Variants in ZBTB22 observed in about 807,000 individuals in gnomAD.
ZBTB22 encodes zinc finger and BTB domain-containing protein 22.
For synonymous variants in ZBTB22, 356 were observed against 347.3 expected (o/e 1.03, Z -0.28); for missense variants, 668 against 834.1 (o/e 0.80, Z 2.45).
Position 33,315,784 on chromosome 6 carries a change from CAGA to C in ZBTB22, c.1130_1132del (p.Phe377del), listed in dbSNP as rs1235899621. 3 of 1,613,016 alleles carry C rather than the reference CAGA, an allele frequency of 1.9e-6. No homozygotes were observed. The highest frequency in any genetic ancestry group is 2.7e-5 in the African/African-American group (2 of 74,828). On this transcript the variant is annotated inframe_deletion, in exon 2 of 2. Coordinates refer to ENST00000431845, the MANE Select transcript of ZBTB22 (RefSeq NM_005453.5). The surrounding 1 kb of genome is among the most constrained non-coding windows in gnomAD (Gnocchi z 5.4). ...TGGGCCAAAGTCATTGGAGGACTCA[CAGA>C]AGTTGACCTGCTCCTCCCCCTTGTC...
chr6:33,315,036 G>C lies in ZBTB22; in HGVS notation c.1881C>G (p.Phe627Leu). 1.3e-6 allele frequency: 2 copies of C among 1,559,902 alleles called. No homozygotes were observed. Among genetic ancestry groups the C allele is most frequent in the Non-Finnish European group, 1.7e-6 (2 of 1,149,772 alleles). The part of the protein sequence containing the change: ...PPRVHKVEMG[F>L]GGGGGAN ...TTCAGTTTGCTCCTCCACCTCCACC[G>C]AAGCCCATCTCCACCTTGTGGACTC... The change falls in exon 2 of 2, where the codon TTC (phenylalanine) becomes TTG (leucine). Residue 627 changes from phenylalanine to leucine, a missense_variant. By Grantham distance (22) the Phe-to-Leu change is conservative. Transcript: ENST00000431845. The surrounding 1 kb of genome is among the most constrained non-coding windows in gnomAD (Gnocchi z 5.4).
rs1196825143 is a variant in ZBTB22 at position 33,315,915 on chromosome 6, A to C, written c.1002T>G (p.Asp334Glu). The C allele has an allele frequency of 6.2e-7, 1 of 1,613,646 alleles. No homozygotes were observed. The change falls in exon 2 of 2, where the codon GAT becomes GAG. Residue 334 changes from aspartate (D) to glutamate (E), a missense_variant. Asp to Glu is a conservative substitution (Grantham distance 45). Transcript: ENST00000431845. This position sits in a 1 kb window ranked among gnomAD's most constrained non-coding sequence, Gnocchi z 5.4. ...TACCCCCTAGTTCTTCATCTTCATC[A>C]TCCTCACAGGTCAACACCAGATCTT... Reference protein sequence around the residue: ...EEEDLVLTCEDDEDEELGGSS... With the variant: ...EEEDLVLTCEEDEDEELGGSS...
Position 33,314,863 on chromosome 6 carries a change from T to A in ZBTB22, c.*149A>T. On this transcript the variant is annotated 3_prime_UTR_variant, in exon 2 of 2. Coordinates refer to ENST00000431845, the MANE Select transcript of ZBTB22 (RefSeq NM_005453.5). The stretch of plus-strand genomic sequence containing the variant: ...TAGAATGGGCGGGCGATGGTGAAAC[T>A]GTGGTTCCCCTTCCAGAATATATAC... 7.2e-7 allele frequency: 1 copy of A among 1,392,518 alleles called. No homozygotes were observed. Among genetic ancestry groups the A allele is most frequent in the East Asian group, 2.6e-5 (1 of 37,788 alleles). The allele number at this position is 1,392,518 out of a possible 1,614,324, so 86.3% of individuals were successfully genotyped here. A position where few individuals can be genotyped will look rare whatever the true frequency, so the allele number is the denominator to read the frequency against.
Position 33,316,978 on chromosome 6 carries a change from G to A in ZBTB22, c.-62C>T. 1 of 1,484,070 alleles carries A rather than the reference G, an allele frequency of 6.7e-7. No homozygotes were observed. The highest frequency in any genetic ancestry group is 1.4e-5 in the South Asian group (1 of 72,914). The allele number at this position is 1,484,070 out of a possible 1,614,324, so 91.9% of individuals were successfully genotyped here. ...ACAAAGAAAGGAGGAGGGCGGCCGGGGGGGTCTCTGGGAAGAAAAAGAGAA... is the reference window on the plus strand; with the variant it reads ...ACAAAGAAAGGAGGAGGGCGGCCGGAGGGGTCTCTGGGAAGAAAAAGAGAA... On this transcript the variant is annotated 5_prime_UTR_variant, in exon 2 of 2. Transcript: ENST00000431845. This position sits in a 1 kb window ranked among gnomAD's most constrained non-coding sequence, Gnocchi z 7.2.
chr6:33,314,818 G>T lies in ZBTB22; in HGVS notation c.*194C>A. 6 of 1,103,292 alleles carry T rather than the reference G, an allele frequency of 5.4e-6. No homozygotes were observed. The highest frequency in any genetic ancestry group is 7.4e-6 in the Non-Finnish European group (6 of 812,628). The allele number at this position is 1,103,292 out of a possible 1,614,324, so 68.3% of individuals were successfully genotyped here. A position where few individuals can be genotyped will look rare whatever the true frequency, so the allele number is the denominator to read the frequency against. Reference sequence around the variant, plus strand: ...AAGGGTTTAGTTCTGGAAATACCTTGGGGGGGAGGGGTTGAGTAGTAGAAT... The same window carrying T: ...AAGGGTTTAGTTCTGGAAATACCTTTGGGGGGAGGGGTTGAGTAGTAGAAT... On this transcript the variant is annotated 3_prime_UTR_variant, in exon 2 of 2. Coordinates refer to ENST00000431845, the MANE Select transcript of ZBTB22 (RefSeq NM_005453.5).
Position 33,316,494 on chromosome 6 carries a change from G to A in ZBTB22, c.423C>T (p.Asp141=), listed in dbSNP as rs767044194. ...CTTCTCGGAGTAGTTCAGTGCACTT[G>A]TCCACAATGTGCCACATTTGGAGCA... is the stretch of plus-strand genomic sequence containing the variant. ...GSVLQMWHIV[D]KCTELLREGR... is the part of the protein sequence containing the mutation. Residue 141 remains aspartate (D), a synonymous_variant, in exon 2 of 2, where the codon GAC becomes GAT. Transcript: ENST00000431845. The surrounding 1 kb of genome is among the most constrained non-coding windows in gnomAD (Gnocchi z 7.2). 4.3e-6 allele frequency: 7 copies of A among 1,614,224 alleles called. No individual in the cohort carries two copies. Among genetic ancestry groups the A allele is most frequent in the Non-Finnish European group, 5.9e-6 (7 of 1,180,048 alleles).
Position 33,316,427 on chromosome 6 carries a change from T to C in ZBTB22, c.490A>G (p.Thr164Ala). The C allele has an allele frequency of 6.2e-7, 1 of 1,613,930 alleles. No homozygotes were observed. Among genetic ancestry groups the C allele is most frequent in the South Asian group, 1.1e-5 (1 of 91,058 alleles). ...CCAGCACCAGGGACAGTGACAGAGG[T>C]GGCTGCAGCAGTAGTGATGGTGGTG... ...ATTTITTAAA[T>A]SVTVPGAGVP... The change falls in exon 2 of 2, where the codon ACC (threonine) becomes GCC (alanine). Residue 164 changes from threonine (T) to alanine (A), a missense_variant. Transcript: ENST00000431845. This position sits in a 1 kb window ranked among gnomAD's most constrained non-coding sequence, Gnocchi z 7.2.
chr6:33,316,843 G>C lies in ZBTB22; in HGVS notation c.74C>G (p.Pro25Arg). The change falls in exon 2 of 2, where the codon CCC becomes CGC. Residue 25 changes from proline to arginine, a missense_variant. Pro to Arg is a moderately radical substitution (Grantham distance 103). Coordinates refer to ENST00000431845, the MANE Select transcript of ZBTB22 (RefSeq NM_005453.5). This position sits in a 1 kb window ranked among gnomAD's most constrained non-coding sequence, Gnocchi z 7.2. Reference sequence around the variant, plus strand: ...ATGTACCACTGCAGCTGCTGGCAGGGGTAGTGGGGGCGGAGCCAGCGACAG... The same window carrying C: ...ATGTACCACTGCAGCTGCTGGCAGGCGTAGTGGGGGCGGAGCCAGCGACAG... ...LPLSLAPPPL[P>R]LPAAAVVHVS... 3.1e-6 allele frequency: 5 copies of C among 1,613,988 alleles called. No homozygotes were observed. Among genetic ancestry groups the C allele is most frequent in the Non-Finnish European group, 4.2e-6 (5 of 1,180,000 alleles).
At position 33,315,288 on chromosome 6, in the gene ZBTB22, G is replaced by A. The variant is rs2187889; in HGVS notation, c.1629C>T (p.Cys543=). The A allele has an allele frequency of 2.2e-3, 3,585 of 1,613,996 alleles. 70 individuals carry two copies. Among genetic ancestry groups the A allele is most frequent in the Middle Eastern group, 0.013 (78 of 6,062 alleles). The change falls in exon 2 of 2, where the codon TGC becomes TGT. Residue 543 remains cysteine (C), a synonymous_variant. Transcript: ENST00000431845. The surrounding 1 kb of genome is among the most constrained non-coding windows in gnomAD (Gnocchi z 5.4). The stretch of plus-strand genomic sequence containing the variant: ...ACATGAACTTCTTGGCGCAGACTCC[G>A]CACTCGTAGGGCTTGAGACCTGTGT... ...KTHTGLKPYE[C]GVCAKKFMWR...
At position 33,315,541 on chromosome 6, in the gene ZBTB22, G is replaced by A. The variant is rs1374961477; in HGVS notation, c.1376C>T (p.Thr459Met). Residue 459 changes from threonine to methionine, a missense_variant, in exon 2 of 2, where the codon ACG becomes ATG. By Grantham distance (81) the Thr-to-Met change is moderately conservative (BLOSUM62 -1). Transcript: ENST00000431845. The surrounding 1 kb of genome is among the most constrained non-coding windows in gnomAD (Gnocchi z 5.4). ...AEHGAVTVGGTSVGSLGVPGS... is the reference protein window; with the variant it reads ...AEHGAVTVGGMSVGSLGVPGS... Reference sequence around the variant, plus strand: ...CGGCACACCCAGGCTCCCCACCGACGTGCCCCCCACGGTCACTGCCCCGTG... The same window carrying A: ...CGGCACACCCAGGCTCCCCACCGACATGCCCCCCACGGTCACTGCCCCGTG... 2 of 1,613,796 alleles carry A rather than the reference G, an allele frequency of 1.2e-6. No homozygotes were observed. The highest frequency in any genetic ancestry group is 1.7e-5 in the Admixed American group (1 of 59,984).
chr6:33,315,683 G>C lies in ZBTB22; in HGVS notation c.1234C>G (p.Pro412Ala), dbSNP rs1475197393. 1 of 1,613,828 alleles carries C rather than the reference G, an allele frequency of 6.2e-7. No homozygotes were observed. ...TCCAAGGGAAGGAGCGGTCGAGGAGGGTGGGAGGGGGCATAGGAAGAGGGA... is the reference window on the plus strand; with the variant it reads ...TCCAAGGGAAGGAGCGGTCGAGGAGCGTGGGAGGGGGCATAGGAAGAGGGA... Reference protein sequence around the residue: ...PTPSSYAPSHPPRPLLPLDMQ... With the variant: ...PTPSSYAPSHAPRPLLPLDMQ... The change falls in exon 2 of 2, where the codon CCT becomes GCT. Residue 412 changes from proline (P) to alanine (A), a missense_variant. Transcript: ENST00000431845. This position sits in a 1 kb window ranked among gnomAD's most constrained non-coding sequence, Gnocchi z 5.4.
chr6:33,316,281 C>T lies in ZBTB22; in HGVS notation c.636G>A (p.Arg212=), dbSNP rs766599571. The T allele has an allele frequency of 1.2e-6, 2 of 1,614,028 alleles. No homozygotes were observed. The highest frequency in any genetic ancestry group is 1.7e-6 in the Non-Finnish European group (2 of 1,180,030). Residue 212 remains arginine, a synonymous_variant, in exon 2 of 2, where the codon AGG becomes AGA. Transcript: ENST00000431845. The surrounding 1 kb of genome is among the most constrained non-coding windows in gnomAD (Gnocchi z 7.2). ...AGGAAGATGAGAAATCAGTGGACTC[C>T]CTGGGGCTGAAGTAGTTGCTGCTGC... The part of the protein sequence containing the change: ...SPSSSNYFSP[R]ESTDFSSSSQ...
intron 1 of ZBTB22, among the ~76,000 whole-genome samples, 158 bp downstream of exon 1, chr6:33,317,495 A>ACCCCC (rs9257105): frequency 1.3e-4 from 11 of 84,364 alleles, no homozygotes; most frequent in Admixed American, 7.0e-4. Context: ...TTCCAGGCCC[A>ACCCCC]CCCCCCCGTG....
chr6:33,316,185 G>C lies in ZBTB22; in HGVS notation c.732C>G (p.Ala244=). The change falls in exon 2 of 2, where the codon GCC becomes GCG. Residue 244 remains alanine, a synonymous_variant. Transcript: ENST00000431845. This position sits in a 1 kb window ranked among gnomAD's most constrained non-coding sequence, Gnocchi z 7.2. ...ERRGGGPVFP[A]PVVGSGGATS... ...TGGCCCCTCCACTGCCAACGACAGG[G>C]GCTGGGAATACAGGGCCACCTCCTC... 6.2e-7 allele frequency: 1 copy of C among 1,614,016 alleles called. No homozygotes were observed. The highest frequency in any genetic ancestry group is 8.5e-7 in the Non-Finnish European group (1 of 1,180,000).
chr6:33,316,241 C>T lies in ZBTB22; in HGVS notation c.676G>A (p.Ala226Thr), dbSNP rs1769867329. 6.2e-7 allele frequency: 1 copy of T among 1,614,076 alleles called. No homozygotes were observed. The highest frequency in any genetic ancestry group is 1.3e-5 in the African/African-American group (1 of 74,936). ...TCCCCACTGCCCACTGCAGAAGCTG[C>T]AAATGCCTCTTGGGAGGAAGATGAG... ...DFSSSSQEAFAASAVGSGERR... is the reference protein window; with the variant it reads ...DFSSSSQEAFTASAVGSGERR... Residue 226 changes from alanine (A) to threonine (T), a missense_variant, in exon 2 of 2, where the codon GCA (alanine) becomes ACA (threonine). Ala to Thr is a moderately conservative substitution (Grantham distance 58). Coordinates refer to ENST00000431845, the MANE Select transcript of ZBTB22 (RefSeq NM_005453.5). The surrounding 1 kb of genome is among the most constrained non-coding windows in gnomAD (Gnocchi z 7.2).
chr6:33,314,820 G>T lies in ZBTB22; in HGVS notation c.*192C>A, dbSNP rs542769653. 1.3e-4 allele frequency: 151 copies of T among 1,125,968 alleles called. No homozygotes were observed. The highest frequency in any genetic ancestry group is 5.3e-4 in the South Asian group (26 of 48,648). 69.7% of individuals were successfully genotyped at this position (1,125,968 alleles called of 1,614,324 possible). ...GGGTTTAGTTCTGGAAATACCTTGG[G>T]GGGGAGGGGTTGAGTAGTAGAATGG... On this transcript the variant is annotated 3_prime_UTR_variant, in exon 2 of 2. Transcript: ENST00000431845.
chr6:33,315,798 C>T lies in ZBTB22; in HGVS notation c.1119G>A (p.Glu373=), dbSNP rs755296159. The T allele has an allele frequency of 4.0e-5, 65 of 1,612,820 alleles. No individual in the cohort carries two copies. The Middle Eastern group carries it at 1.2e-3, about 29-fold the overall frequency. ...TGGAGGACTCACAGAAGTTGACCTG[C>T]TCCTCCCCCTTGTCTGGGGGCTCAC... The part of the protein sequence containing the change: ...TLSEPPDKGE[E]QVNFCESSND... Residue 373 remains glutamate, a synonymous_variant, in exon 2 of 2, where the codon GAG becomes GAA. Transcript: ENST00000431845. The surrounding 1 kb of genome is among the most constrained non-coding windows in gnomAD (Gnocchi z 5.4).
In ZBTB22 at chr6:33,315,176, G is replaced by A. The variant is rs1294150108; in HGVS notation, c.1741C>T (p.Pro581Ser). 7 of 1,612,694 alleles carry A rather than the reference G, an allele frequency of 4.3e-6. No homozygotes were observed. The highest frequency in any genetic ancestry group is 5.9e-6 in the Non-Finnish European group (7 of 1,179,244). Residue 581 changes from proline (P) to serine (S), a missense_variant, in exon 2 of 2, where the codon CCC (proline) becomes TCC (serine). Physicochemically the swap from Pro to Ser is moderately conservative, Grantham distance 74. Transcript: ENST00000431845. The surrounding 1 kb of genome is among the most constrained non-coding windows in gnomAD (Gnocchi z 5.4). ...GVGAVPGPGT[P>S]TGPSLPSKRE... ...TTGGACGGCAAGGATGGCCCCGTGG[G>A]AGTCCCAGGCCCAGGTACGGCCCCG...
Position 33,316,429 on chromosome 6 carries a change from G to A in ZBTB22, c.488C>T (p.Ala163Val), listed in dbSNP as rs781652103. 1.2e-6 allele frequency: 2 copies of A among 1,614,162 alleles called. No homozygotes were observed. The highest frequency in any genetic ancestry group is 1.7e-6 in the Non-Finnish European group (2 of 1,180,034). ...AGCACCAGGGACAGTGACAGAGGTG[G>A]CTGCAGCAGTAGTGATGGTGGTGGT... ...SATTTITTAA[A>V]TSVTVPGAGV... The change falls in exon 2 of 2, where the codon GCC becomes GTC. Residue 163 changes from alanine to valine, a missense_variant. Physicochemically the swap from Ala to Val is moderately conservative, Grantham distance 64. Transcript: ENST00000431845. This position sits in a 1 kb window ranked among gnomAD's most constrained non-coding sequence, Gnocchi z 7.2.
Sources: allele counts gnomAD v4.1 joint callset (sites outside exome capture counted in the v4.1 genomes callset), GRCh38; gene constraint gnomAD v4.1.1; non-coding constraint Gnocchi (gnomAD v3.1); transcripts MANE v1.5; gene names NCBI Gene and HGNC (gene_info 2026-07-23, HGNC 2026-07-21).